The following IGF2R variants were observed in gnomAD, a reference collection of about 807,000 sequenced individuals.
IGF2R encodes cation-independent mannose-6-phosphate receptor.
In IGF2R, 91 loss-of-function variants were observed where a neutral mutation model predicts 270.6. That is an observed-to-expected ratio of 0.34 (90% confidence interval 0.28 to 0.40). The LOEUF (loss-of-function observed/expected upper bound fraction) is 0.40, where lower values mean the gene tolerates loss of function less well. Among genes scored for constraint, IGF2R ranks in the 10% least tolerant of loss-of-function variants. The pLI is 1.00. For missense variants in IGF2R, 2,805 were observed against 3,188.3 expected (o/e 0.88, Z 2.90); for synonymous variants, 1,316 against 1,258.9 (o/e 1.05, Z -0.96).
chr6:160,081,727 A>G (rs916517965), intron 39 of IGF2R, among the ~76,000 whole-genome samples: 1 of 152,160 alleles, frequency 6.6e-6, no homozygotes, highest in African/African-American at 2.4e-5. Context: ...CAGGGCTGTT[A>G]ATTATTAAAA....
rs1043483575 is a variant in IGF2R, at chr6:160,050,806, C to G, written c.2694+154C>G. Among the ~76,000 whole-genome samples, 3 of 152,206 alleles carry G rather than the reference C, an allele frequency of 2.0e-5. No individual in the cohort carries two copies. The highest frequency in any genetic ancestry group is 4.4e-5 in the Non-Finnish European group (3 of 68,034). On this transcript the variant is annotated intron_variant, in intron 19 of 47. Transcript: ENST00000356956. This position sits in a 1 kb window ranked among gnomAD's most constrained non-coding sequence, Gnocchi z 4.0. The stretch of plus-strand genomic sequence containing the variant: ...GGTCAGTGTGCGGTATATATGTTCA[C>G]AGGCAGGGAGTGATTTGTGGTACCT...
chr6:160,023,344 G>C (rs930756097), intron 4 of IGF2R, among the ~76,000 whole-genome samples: 30 of 152,116 alleles, frequency 2.0e-4, no homozygotes, highest in Admixed American at 1.6e-3. Flanking sequence ...CTGGTTGAAT[G>C]ATGGTGCCAT....
chr6:160,047,107 G>T, intron 15 of IGF2R, 52 bp from the exon 16 acceptor site: 1 of 1,559,596 alleles, frequency 6.4e-7, no homozygotes, highest in Non-Finnish European at 8.8e-7. Context: ...GGCAGCCTTG[G>T]AGTGCTTCTG....
At chr6:160,086,205 G>A (rs751900527) in intron 41 of IGF2R, among the ~76,000 whole-genome samples, 1 of 152,190 alleles carries the variant, frequency 6.6e-6, no homozygotes, top group Non-Finnish European at 1.5e-5. Flanking sequence ...CCTCCATTTG[G>A]AGAGCACCAT....
chr6:160,060,805 T>A (rs1778422836), intron 23 of IGF2R, 88 bp downstream of exon 23: 16 of 1,298,182 alleles, frequency 1.2e-5, no homozygotes, highest in Non-Finnish European at 1.5e-5. Context: ...TGTGTGTATG[T>A]ATATTTGTGT....
At chr6:160,015,615 C>T (rs1025810954) in intron 4 of IGF2R, among the ~76,000 whole-genome samples, 2 of 152,168 alleles carry the variant, frequency 1.3e-5, no homozygotes, top group African/African-American at 2.4e-5. Flanking sequence ...AAAGATGTGG[C>T]CTCAGAGCCA....
Position 160,078,240 on chromosome 6 carries a change from G to A in IGF2R, c.5356G>A (p.Val1786Met), listed in dbSNP as rs773403015. Residue 1786 changes from valine to methionine, a missense_variant, in exon 37 of 48, where the codon GTG (valine) becomes ATG (methionine). Transcript: ENST00000356956. ...GTTAAGGACCAGCGAGTGCGACTTT[G>A]TGTTCGAATGGGAGACTCCTGTCGT... ...KLLRTSECDF[V>M]FEWETPVVCP... is the part of the protein sequence containing the mutation. The A allele has an allele frequency of 2.5e-6, 4 of 1,614,116 alleles. No homozygotes were observed. The highest frequency in any genetic ancestry group is 2.7e-5 in the African/African-American group (2 of 74,938).
rs191814512 is a variant in IGF2R at position 160,045,601 on chromosome 6, T to A, written c.1766-144T>A. The A allele has an allele frequency of 6.7e-6, 6 of 889,630 alleles. No individual in the cohort carries two copies. The African/African-American group carries it at 9.8e-5, about 15-fold the overall frequency. The allele number at this position is 889,630 out of a possible 1,614,324, so 55.1% of individuals were successfully genotyped here. A position where few individuals can be genotyped will look rare whatever the true frequency, so the allele number is the denominator to read the frequency against. ...CATATAGGTGGAATGCTACAGTATT[T>A]GTAGGGCTGTTTTTTGACCCTTCTA... On this transcript the variant is annotated intron_variant, in intron 13 of 47. Coordinates refer to ENST00000356956, the MANE Select transcript of IGF2R (RefSeq NM_000876.4).
chr6:160,080,003 T>C (rs1177084973), intron 38 of IGF2R, 126 bp from the exon 39 acceptor site: 1 of 1,207,736 alleles, frequency 8.3e-7, no homozygotes, highest in Non-Finnish European at 1.2e-6. Flanking sequence ...TTTTGGCAGG[T>C]GAATGCCGGT....
Position 160,096,491 on chromosome 6 carries a change from G to A in IGF2R, c.6708G>A (p.Lys2236=). Residue 2236 remains lysine, a synonymous_variant, in exon 45 of 48, where the codon AAG becomes AAA. Transcript: ENST00000356956. ...CTTCCTCTAAGTGCGGAAAGGATAA[G>A]ACCAAGTCTGTTTCTTCCACCATCT... ...FASSSKCGKD[K]TKSVSSTIFF... 6.2e-7 allele frequency: 1 copy of A among 1,614,192 alleles called. No homozygotes were observed. Among genetic ancestry groups the A allele is most frequent in the Non-Finnish European group, 8.5e-7 (1 of 1,180,028 alleles).
At chr6:160,068,142 G>C in intron 29 of IGF2R, 107 bp from the exon 30 acceptor site, 1 of 1,216,114 alleles carries the variant, frequency 8.2e-7, no homozygotes, top group Non-Finnish European at 1.2e-6. Flanking sequence ...CTAAAGTTCT[G>C]TCAGGCTTAG....
Position 160,104,670 on chromosome 6 carries a change from G to T in IGF2R, c.7066-4G>T. The stretch of plus-strand genomic sequence containing the variant: ...ACGTGGTCTCTGCTGTTGATCCCTG[G>T]CAGGTGAATAAGGAAGAAGAGACAG... On this transcript the variant is annotated splice_region_variant and splice_polypyrimidine_tract_variant and intron_variant, in intron 47 of 47. Coordinates refer to ENST00000356956, the MANE Select transcript of IGF2R (RefSeq NM_000876.4). The T allele has an allele frequency of 1.9e-6, 3 of 1,609,150 alleles. No individual in the cohort carries two copies. Among genetic ancestry groups the T allele is most frequent in the Non-Finnish European group, 2.5e-6 (3 of 1,177,240 alleles).
At chr6:159,992,598 TCACACACA>T (rs71033567) in intron 2 of IGF2R, among the ~76,000 whole-genome samples, 5 of 146,264 alleles carry the variant, frequency 3.4e-5, no homozygotes, top group East Asian at 2.0e-4. Context: ...AAGAATGAAA[TCACACACA>T]CACACACACA....
intron 29 of IGF2R, 57 bp from the exon 30 acceptor site, chr6:160,068,192 C>G: frequency 2.5e-6 from 4 of 1,592,990 alleles, no homozygotes; most frequent in Non-Finnish European, 3.4e-6. Context: ...ACAGAGTGCC[C>G]AATGTTTAAA....
intron 34 of IGF2R, 87 bp from the exon 35 acceptor site, chr6:160,073,670 T>A: frequency 3.2e-6 from 4 of 1,232,936 alleles, no homozygotes; most frequent in South Asian, 1.4e-5. Context: ...TTGTTGTTGT[T>A]ATTCAGCTTT....
intron 1 of IGF2R, among the ~76,000 whole-genome samples, chr6:159,975,098 A>T (rs1032988535): frequency 4.6e-5 from 7 of 152,064 alleles, no homozygotes; most frequent in African/African-American, 9.7e-5. Context: ...CAGATGCCAC[A>T]GGTTTGGGGC....
chr6:159,977,796 A>G (rs555725843), intron 1 of IGF2R, among the ~76,000 whole-genome samples: 46 of 152,204 alleles, frequency 3.0e-4, no homozygotes, highest in South Asian at 1.2e-3. Context: ...TCCAGTCAGG[A>G]TGCTAACCAT....
chr6:159,973,197 A>C (rs139582698), intron 1 of IGF2R, among the ~76,000 whole-genome samples: 90 of 152,258 alleles, frequency 5.9e-4, no homozygotes, highest in African/African-American at 2.0e-3. Flanking sequence ...AACCAACAAC[A>C]GTGTCTAAAG....
chr6:159,973,698 A>G (rs3777420), intron 1 of IGF2R, among the ~76,000 whole-genome samples: 26,301 of 152,206 alleles, frequency 0.17, 2,801 homozygotes, highest in East Asian at 0.47. Flanking sequence ...GATCTCATGG[A>G]TTAATTCTCA....
Sources: allele counts gnomAD v4.1 joint callset (sites outside exome capture counted in the v4.1 genomes callset), GRCh38; gene constraint gnomAD v4.1.1; non-coding constraint Gnocchi (gnomAD v3.1); transcripts MANE v1.5; gene names NCBI Gene and HGNC (gene_info 2026-07-23, HGNC 2026-07-21).